Variants in TPTE2 observed in about 807,000 individuals in gnomAD.
TPTE2 encodes transmembrane phosphoinositide 3-phosphatase and tensin homolog 2, also known as phosphatidylinositol 3,4,5-trisphosphate 3-phosphatase TPTE2.
A neutral mutation model predicts 78.6 loss-of-function variants in TPTE2; 53 were observed. The ratio of observed to expected loss-of-function variants is 0.67; its 90% CI spans 0.54 to 0.85. The LOEUF (loss-of-function observed/expected upper bound fraction) is 0.85. TPTE2 is among the 40% of genes least tolerant of loss of function. The probability of loss-of-function intolerance (pLI) is 0.00; values close to 1 mark genes in which losing one functional copy is unlikely to be tolerated. For synonymous variants in TPTE2, 175 were observed against 206.2 expected (o/e 0.85, Z 1.30); for missense variants, 461 against 623.0 (o/e 0.74, Z 2.77).
rs780324300 is a variant in TPTE2 at position 19,464,535 on chromosome 13, C to A, written c.677-15G>T. On this transcript the variant is annotated splice_polypyrimidine_tract_variant and intron_variant, in intron 9 of 19. Transcript: ENST00000400230. ...AATAATACGTTCTGAAAGTCAAAAT[C>A]ATCACTATTACAAACATTATTATAG... 9.6e-5 allele frequency: 155 copies of A among 1,610,970 alleles called. No individual in the cohort carries two copies. Among genetic ancestry groups the A allele is most frequent in the Non-Finnish European group, 1.2e-4 (138 of 1,178,132 alleles).
chr13:19,476,200 G>A (rs1292348549), intron 4 of TPTE2, among the ~76,000 whole-genome samples: 4 of 151,968 alleles, frequency 2.6e-5, no homozygotes, highest in South Asian at 2.1e-4. Flanking sequence ...ACAAACACCC[G>A]AAAGACTGGG....
chr13:19,485,345 T>G (rs1235267173), intron 3 of TPTE2, among the ~76,000 whole-genome samples: 1 of 150,004 alleles, frequency 6.7e-6, no homozygotes, highest in Non-Finnish European at 1.5e-5. Context: ...CAGCTGAAAG[T>G]TTTTTTTTTC....
At chr13:19,545,742 T>C in the TPTE2 span, among the ~76,000 whole-genome samples, 2 of 152,230 alleles carry the variant, frequency 1.3e-5, no homozygotes, top group South Asian at 4.1e-4. Flanking sequence ...TTTCATGGCT[T>C]TCCTCTCAAG....
At chr13:19,513,090 T>C (rs1869559514) in intron 1 of TPTE2, among the ~76,000 whole-genome samples, 1 of 152,192 alleles carries the variant, frequency 6.6e-6, no homozygotes. Context: ...GGTGACTATA[T>C]TGGTAATCTT....
At chr13:19,479,059 A>G (rs1262332609) in intron 4 of TPTE2, among the ~76,000 whole-genome samples, 1 of 152,160 alleles carries the variant, frequency 6.6e-6, no homozygotes, top group Non-Finnish European at 1.5e-5. Context: ...ACCTAATGTA[A>G]ATGACGAATT....
chr13:19,497,900 GA>G (rs1881489144), intron 1 of TPTE2, among the ~76,000 whole-genome samples: 1 of 151,184 alleles, frequency 6.6e-6, no homozygotes. Flanking sequence ...TGAAAACTTT[GA>G]AAAAAATTTA....
At chr13:19,510,104 C>A (rs542546046) in intron 1 of TPTE2, among the ~76,000 whole-genome samples, 57 of 152,214 alleles carry the variant, frequency 3.7e-4, no homozygotes, top group African/African-American at 1.3e-3. Flanking sequence ...AACAACAATG[C>A]CAAAGCTAAC....
chr13:19,537,843 G>T (rs1376064135), upstream of TPTE2, among the ~76,000 whole-genome samples: 1 of 151,984 alleles, frequency 6.6e-6, no homozygotes, highest in Non-Finnish European at 1.5e-5. Flanking sequence ...GACCTCAGGT[G>T]ATCCACCTAT....
At chr13:19,504,221 C>A (rs1433209156), upstream of TPTE2, among the ~76,000 whole-genome samples, 1 of 152,122 alleles carries the variant, frequency 6.6e-6, no homozygotes, top group African/African-American at 2.4e-5. Flanking sequence ...TAGTTCTTTA[C>A]AATTGAAGGA....
At chr13:19,433,574 G>A (rs1876840523) in intron 15 of TPTE2, among the ~76,000 whole-genome samples, 1 of 152,118 alleles carries the variant, frequency 6.6e-6, no homozygotes. Context: ...ATTGGGAAAT[G>A]TTCATTAAAG....
intron 3 of TPTE2, among the ~76,000 whole-genome samples, chr13:19,491,110 A>G (rs555211811): frequency 6.6e-6 from 1 of 152,368 alleles, no homozygotes; most frequent in South Asian, 2.1e-4. Flanking sequence ...GCTCCATACA[A>G]TGAACTTCCC....
At chr13:19,490,532 C>A (rs1381197555) in intron 3 of TPTE2, among the ~76,000 whole-genome samples, 1 of 152,178 alleles carries the variant, frequency 6.6e-6, no homozygotes. Flanking sequence ...TAAACCTCAT[C>A]CCCAAGTTAC....
intron 13 of TPTE2, among the ~76,000 whole-genome samples, chr13:19,444,147 A>C (rs538252537): frequency 1.1e-3 from 166 of 151,714 alleles, no homozygotes; most frequent in African/African-American, 3.7e-3. Flanking sequence ...TCTACAAAAA[A>C]ATGAAAAAAT....
intron 6 of TPTE2, among the ~76,000 whole-genome samples, chr13:19,467,701 T>G (rs1879351006): frequency 6.6e-6 from 1 of 152,170 alleles, no homozygotes. Context: ...TTACACTCTT[T>G]CAGTCATTTA....
chr13:19,540,486 G>A (rs1298470679), upstream of TPTE2, among the ~76,000 whole-genome samples: 2 of 151,786 alleles, frequency 1.3e-5, no homozygotes, highest in Non-Finnish European at 2.9e-5. Context: ...TGTATTTTTA[G>A]TAGAGATGGG....
At chr13:19,453,413 G>A (rs1420186984) in intron 10 of TPTE2, among the ~76,000 whole-genome samples, 1 of 151,794 alleles carries the variant, frequency 6.6e-6, no homozygotes, top group African/African-American at 2.4e-5. Context: ...TAGAAAAACA[G>A]TCAATATTTG....
chr13:19,466,982 G>T (rs1309407905), intron 7 of TPTE2, among the ~76,000 whole-genome samples: 4 of 152,088 alleles, frequency 2.6e-5, no homozygotes, highest in Admixed American at 6.6e-5. Context: ...GTCCTTCTTT[G>T]GGTACTGCCA....
chr13:19,513,618 C>A (rs1362133792), intron 1 of TPTE2, among the ~76,000 whole-genome samples: 1 of 152,152 alleles, frequency 6.6e-6, no homozygotes, highest in Non-Finnish European at 1.5e-5. Context: ...CTACAAATTA[C>A]AATGTGTTGT....
At chr13:19,485,303 G>A (rs1300257055) in intron 3 of TPTE2, among the ~76,000 whole-genome samples, 2 of 151,928 alleles carry the variant, frequency 1.3e-5, no homozygotes, top group Non-Finnish European at 2.9e-5. Flanking sequence ...TTCTTCATTT[G>A]TAAAGGATAG....
Sources: allele counts gnomAD v4.1 joint callset (sites outside exome capture counted in the v4.1 genomes callset), GRCh38; gene constraint gnomAD v4.1.1; transcripts MANE v1.5; gene names NCBI Gene and HGNC (gene_info 2026-07-23, HGNC 2026-07-21).